CYP20A1: variants seen among roughly 807,000 people sequenced by gnomAD.
CYP20A1 encodes cytochrome P450 family 20 subfamily A member 1.
Under a neutral mutation model 61.4 loss-of-function variants are expected in CYP20A1, and 61 were observed. The ratio of observed to expected loss-of-function variants is 0.99; its 90% CI spans 0.81 to 1.23. CYP20A1 has a LOEUF of 1.23. CYP20A1 is among the 50% of genes most tolerant of loss of function. The probability of loss-of-function intolerance (pLI) is 0.00; values close to 1 mark genes in which losing one functional copy is unlikely to be tolerated. For missense variants in CYP20A1, 530 were observed against 542.4 expected, an observed-to-expected ratio of 0.98 and a Z score of 0.23; for synonymous variants, 193 against 188.2, an observed-to-expected ratio of 1.03 and a Z score of -0.21.
In CYP20A1 at chr2:203,297,008, A is replaced by T. The variant is rs529865521; in HGVS notation, c.*100A>T. 3.8e-5 allele frequency: 25 copies of T among 658,664 alleles called. No homozygotes were observed. In the East Asian group the frequency reaches 6.0e-4, roughly 16 times the overall value. 40.8% of individuals were successfully genotyped at this position (658,664 alleles called of 1,614,324 possible). On this transcript the variant is annotated 3_prime_UTR_variant, in exon 13 of 13. Transcript: ENST00000356079. ...TTTTATAAACCAGTATCACTTTGTA[A>T]TATAAACACCTATTTGTACTTAATT... is the stretch of plus-strand genomic sequence containing the variant.
chr2:203,262,920 C>T (rs1470606887), intron 4 of CYP20A1, among the ~76,000 whole-genome samples: 2 of 151,780 alleles, frequency 1.3e-5, no homozygotes, highest in African/African-American at 4.8e-5. Context: ...CCTCGTGATC[C>T]GCCCGCCTCG....
rs186095528 is a variant in CYP20A1 at position 203,291,925 on chromosome 2, G to A, written c.1084-337G>A. Among the ~76,000 whole-genome samples, 148 of 152,080 alleles carry A rather than the reference G, an allele frequency of 9.7e-4. 2 individuals are homozygous for A. In the East Asian group the frequency reaches 0.014, roughly 14 times the overall value. ...TTCCCACCTATGAGTGAGAACATGC[G>A]GTGTTTGGTTTTTTGTCCTTGCGAT... On this transcript the variant is annotated intron_variant, in intron 10 of 12. Transcript: ENST00000356079.
intron 11 of CYP20A1, among the ~76,000 whole-genome samples, chr2:203,294,782 G>A (rs916544299): frequency 5.0e-5 from 7 of 139,838 alleles, no homozygotes; most frequent in Non-Finnish European, 9.3e-5. Context: ...CTACAGGCAT[G>A]CACCACCACG....
At chr2:203,280,140 G>T in intron 8 of CYP20A1, 27 bp downstream of exon 8, 1 of 1,561,552 alleles carries the variant, frequency 6.4e-7, no homozygotes, top group Non-Finnish European at 8.8e-7. Context: ...TTCTTTTTCA[G>T]AGGAATTACT....
At chr2:203,259,318 C>T (rs1166266289) in intron 4 of CYP20A1, among the ~76,000 whole-genome samples, 4 of 152,162 alleles carry the variant, frequency 2.6e-5, no homozygotes, top group African/African-American at 9.7e-5. Context: ...GCGCAAATCT[C>T]ATGTTGAATT....
At position 203,280,062 on chromosome 2, in the gene CYP20A1, C is replaced by G. The variant is rs767638726; in HGVS notation, c.799C>G (p.Leu267Val). 6.2e-7 allele frequency: 1 copy of G among 1,605,246 alleles called. No individual in the cohort carries two copies. The highest frequency in any genetic ancestry group is 1.7e-5 in the Admixed American group (1 of 59,066). The change falls in exon 8 of 13, where the codon CTA becomes GTA. Residue 267 changes from leucine to valine, a missense_variant. Transcript: ENST00000356079. The stretch of plus-strand genomic sequence containing the variant: ...TAAACTTAGTTTTGTTTCCTAGATC[C>G]TAGAAGACAGTATGATATTTTCTCT... Reference protein sequence around the residue: ...VQGNLNDQQILEDSMIFSLAS... With the variant: ...VQGNLNDQQIVEDSMIFSLAS...
rs189150957 is a variant in CYP20A1, at chr2:203,273,731, G to T, written c.679+983G>T. On this transcript the variant is annotated intron_variant, in intron 6 of 12. Coordinates refer to ENST00000356079, the MANE Select transcript of CYP20A1 (RefSeq NM_177538.3). ...GGCTGAGGTAGGCAGATTACTTGAG[G>T]CCAGGAGTTCGAGACCAATCTAGCC... is the stretch of plus-strand genomic sequence containing the variant. Among the ~76,000 whole-genome samples the T allele has an allele frequency of 7.3e-4, 111 of 152,202 alleles. 2 individuals are homozygous for T. The highest frequency in any genetic ancestry group is 3.4e-3 in the Middle Eastern group (1 of 294).
At chr2:203,261,164 T>G (rs1366118759) in intron 4 of CYP20A1, among the ~76,000 whole-genome samples, 1 of 150,832 alleles carries the variant, frequency 6.6e-6, no homozygotes. Context: ...AGTCCAGGAG[T>G]TCAAGACCCG....
In CYP20A1 at chr2:203,301,797, T is replaced by G. The variant is rs1447310325; in HGVS notation, c.*4889T>G. Among the ~76,000 whole-genome samples, 1 of 152,142 alleles carries G rather than the reference T, an allele frequency of 6.6e-6. No homozygotes were observed. The highest frequency in any genetic ancestry group is 1.9e-4 in the East Asian group (1 of 5,200). On this transcript the variant is annotated 3_prime_UTR_variant, in exon 13 of 13. Coordinates refer to ENST00000356079, the MANE Select transcript of CYP20A1 (RefSeq NM_177538.3). The stretch of plus-strand genomic sequence containing the variant: ...TAAAATAGTTTGTATAAAAAGTCTT[T>G]ACTGCTTTATTATGAAATAATAATG...
chr2:203,256,961 G>T (rs2066915360), intron 4 of CYP20A1, among the ~76,000 whole-genome samples: 1 of 151,840 alleles, frequency 6.6e-6, no homozygotes, highest in African/African-American at 2.4e-5. Flanking sequence ...TTCCCTCCAT[G>T]TACCATCTCT....
intron 5 of CYP20A1, among the ~76,000 whole-genome samples, chr2:203,267,366 C>T (rs893454383): frequency 2.7e-5 from 4 of 147,552 alleles, no homozygotes; most frequent in Non-Finnish European, 6.0e-5. Flanking sequence ...AACCCCATCT[C>T]TACTGAAAAT....
At chr2:203,250,714 G>T (rs2066630081) in intron 3 of CYP20A1, among the ~76,000 whole-genome samples, 1 of 152,204 alleles carries the variant, frequency 6.6e-6, no homozygotes, top group Non-Finnish European at 1.5e-5. Context: ...TGAAAGAGGA[G>T]AATGTAGTTC....
At chr2:203,275,104 T>C (rs2067761051) in intron 6 of CYP20A1, among the ~76,000 whole-genome samples, 1 of 152,228 alleles carries the variant, frequency 6.6e-6, no homozygotes, top group East Asian at 1.9e-4. Flanking sequence ...GCACAAAACC[T>C]GAAGATCAGA....
chr2:203,261,437 C>T (rs2067133293), intron 4 of CYP20A1, among the ~76,000 whole-genome samples: 1 of 149,176 alleles, frequency 6.7e-6, no homozygotes. Flanking sequence ...TATGGTAGTG[C>T]ATGCCTATAG....
intron 5 of CYP20A1, among the ~76,000 whole-genome samples, chr2:203,268,605 TGTTTG>T (rs1385703439): frequency 1.3e-5 from 2 of 151,978 alleles, no homozygotes; most frequent in African/African-American, 4.8e-5. Context: ...TTTTTTTTTT[TGTTTG>T]TTTTGTTTTG....
intron 4 of CYP20A1, among the ~76,000 whole-genome samples, chr2:203,254,371 C>T (rs2105918456): frequency 6.6e-6 from 1 of 151,748 alleles, no homozygotes; most frequent in South Asian, 2.1e-4. Flanking sequence ...ATGATGAAAC[C>T]CTATCTTTAC....
At chr2:203,271,032 A>G (rs1476797722) in intron 5 of CYP20A1, among the ~76,000 whole-genome samples, 4 of 101,462 alleles carry the variant, frequency 3.9e-5, no homozygotes, top group Admixed American at 2.7e-4. Context: ...GTTTGAGTGT[A>G]TATATATATA....
intron 1 of CYP20A1, among the ~76,000 whole-genome samples, chr2:203,239,738 C>T (rs571051987): frequency 6.6e-6 from 1 of 152,324 alleles, no homozygotes; most frequent in East Asian, 1.9e-4. Context: ...GCCGCTGACG[C>T]CTCTGCGAGC....
intron 4 of CYP20A1, among the ~76,000 whole-genome samples, chr2:203,253,254 C>T (rs1192081637): frequency 1.3e-5 from 2 of 152,152 alleles, no homozygotes; most frequent in Admixed American, 6.5e-5. Flanking sequence ...TGTCCTATAG[C>T]CCCTCTTTAG....
Sources: allele counts gnomAD v4.1 joint callset (sites outside exome capture counted in the v4.1 genomes callset), GRCh38; gene constraint gnomAD v4.1.1; transcripts MANE v1.5; gene names NCBI Gene and HGNC (gene_info 2026-07-23, HGNC 2026-07-21).